Variants in CLSTN2 observed in about 807,000 individuals in gnomAD.
CLSTN2 encodes the protein calsyntenin-2.
CLSTN2 carries 48 observed loss-of-function variants against 101.2 expected under a neutral mutation model. The observed-to-expected ratio is 0.47, with a 90% CI of 0.38 to 0.60. CLSTN2 has a LOEUF of 0.60. CLSTN2 is among the 20% of genes least tolerant of loss of function. The pLI is 0.00. For missense variants in CLSTN2, 1,160 were observed against 1,238.2 expected, an observed-to-expected ratio of 0.94 and a Z score of 0.95; for synonymous variants, 481 against 463.6, an observed-to-expected ratio of 1.04 and a Z score of -0.48.
chr3:140,229,256 T>C (rs1337343137), intron 2 of CLSTN2, among the ~76,000 whole-genome samples: 1 of 152,198 alleles, frequency 6.6e-6, no homozygotes, highest in African/African-American at 2.4e-5. Context: ...TCATGATGTG[T>C]ACTTGAAAAT....
intron 2 of CLSTN2, among the ~76,000 whole-genome samples, chr3:140,184,124 A>T (rs1016693784): frequency 8.5e-5 from 13 of 152,086 alleles, no homozygotes; most frequent in African/African-American, 2.2e-4. Flanking sequence ...CTGTATGGTG[A>T]CTTTGGCTGG....
At chr3:140,015,606 C>T (rs1560070077) in intron 1 of CLSTN2, among the ~76,000 whole-genome samples, 1 of 152,216 alleles carries the variant, frequency 6.6e-6, no homozygotes, top group Non-Finnish European at 1.5e-5. Flanking sequence ...GGATTTCTGT[C>T]AACCTAGTTG....
intron 8 of CLSTN2, among the ~76,000 whole-genome samples, chr3:140,502,682 G>A (rs1486749245): frequency 6.6e-6 from 1 of 152,164 alleles, no homozygotes; most frequent in Non-Finnish European, 1.5e-5. Flanking sequence ...TGTGGAGCTG[G>A]CCTTGGAAAG....
intron 2 of CLSTN2, among the ~76,000 whole-genome samples, chr3:140,322,479 A>G (rs1332814070): frequency 6.6e-6 from 1 of 152,254 alleles, no homozygotes; most frequent in African/African-American, 2.4e-5. Context: ...AGTAGGAATC[A>G]TTTCAAGGGA....
chr3:140,183,234 T>G (rs943888944), intron 2 of CLSTN2, among the ~76,000 whole-genome samples: 2 of 152,168 alleles, frequency 1.3e-5, no homozygotes, highest in East Asian at 3.9e-4. Flanking sequence ...CAGTGGATAC[T>G]TTTGGGCCAT....
intron 1 of CLSTN2, among the ~76,000 whole-genome samples, chr3:140,085,278 C>T (rs1417431919): frequency 2.0e-5 from 3 of 152,168 alleles, no homozygotes; most frequent in Non-Finnish European, 4.4e-5. Context: ...GAACGTGTTC[C>T]CCTGTTTGCA....
intron 1 of CLSTN2, among the ~76,000 whole-genome samples, chr3:140,005,289 C>G (rs1414807857): frequency 4.6e-5 from 7 of 152,216 alleles, no homozygotes; most frequent in African/African-American, 1.7e-4. Context: ...TTTTGCCCCT[C>G]TCCTCACTCC....
intron 5 of CLSTN2, among the ~76,000 whole-genome samples, chr3:140,434,964 G>A (rs905824358): frequency 4.6e-5 from 7 of 151,548 alleles, no homozygotes; most frequent in Non-Finnish European, 8.8e-5. Flanking sequence ...TATATTTATG[G>A]GGTTCATGAG....
At chr3:139,955,893 G>C (rs9852679) in intron 1 of CLSTN2, among the ~76,000 whole-genome samples, 9,974 of 152,280 alleles carry the variant, frequency 0.065, 392 homozygotes, top group Non-Finnish European at 0.089. Context: ...CCTGGAGAGG[G>C]TTAGACCCAA....
intron 2 of CLSTN2, among the ~76,000 whole-genome samples, chr3:140,244,581 T>G (rs769376895): frequency 8.5e-5 from 13 of 152,180 alleles, no homozygotes; most frequent in Non-Finnish European, 1.6e-4. Flanking sequence ...GGCCCTTAAG[T>G]TCATGCCTGG....
chr3:140,160,596 T>G (rs989599572), intron 1 of CLSTN2, among the ~76,000 whole-genome samples: 1 of 152,120 alleles, frequency 6.6e-6, no homozygotes, highest in Non-Finnish European at 1.5e-5. Context: ...TGCCGATTTC[T>G]TTTATCTACA....
At chr3:140,186,845 T>G (rs1366781058) in intron 2 of CLSTN2, among the ~76,000 whole-genome samples, 1 of 152,128 alleles carries the variant, frequency 6.6e-6, no homozygotes, top group East Asian at 1.9e-4. Context: ...AATGGAAAGG[T>G]GAATCCCAGT....
At chr3:140,299,128 C>T (rs991363664) in intron 2 of CLSTN2, among the ~76,000 whole-genome samples, 3 of 152,156 alleles carry the variant, frequency 2.0e-5, no homozygotes, top group Admixed American at 2.0e-4. Flanking sequence ...CTCCCTCCTG[C>T]AGGAAGCCCT....
chr3:140,086,255 G>A (rs561910366), intron 1 of CLSTN2, among the ~76,000 whole-genome samples: 14 of 152,300 alleles, frequency 9.2e-5, no homozygotes, highest in South Asian at 4.1e-4. Context: ...GGGTTGGTTA[G>A]CAATGTCTGC....
intron 1 of CLSTN2, among the ~76,000 whole-genome samples, chr3:140,122,211 T>C (rs1012835109): frequency 6.6e-6 from 1 of 152,218 alleles, no homozygotes; most frequent in Non-Finnish European, 1.5e-5. Context: ...GCTTTCAGCA[T>C]GCTTTTTGCA....
intron 1 of CLSTN2, among the ~76,000 whole-genome samples, chr3:140,036,825 A>G (rs2007663911): frequency 6.6e-6 from 1 of 152,042 alleles, no homozygotes; most frequent in East Asian, 1.9e-4. Context: ...TCTGTCCTAC[A>G]TTTTAGATTA....
At chr3:140,245,985 A>G (rs1223230637) in intron 2 of CLSTN2, among the ~76,000 whole-genome samples, 1 of 152,192 alleles carries the variant, frequency 6.6e-6, no homozygotes, top group East Asian at 1.9e-4. Context: ...TGCTGTACAG[A>G]TATGTGTGGA....
rs146098919 is a variant in CLSTN2 at position 140,507,810 on chromosome 3, T to C, written c.1345-24514T>C. The C allele has an allele frequency of 3.1e-4, 47 of 152,330 alleles. 1 individual carries two copies. The highest frequency in any genetic ancestry group is 9.8e-4 in the Admixed American group (15 of 15,302). 9.4% of individuals were successfully genotyped at this position (152,330 alleles called of 1,614,324 possible). On this transcript the variant is annotated intron_variant, in intron 8 of 16. Coordinates refer to ENST00000458420, the MANE Select transcript of CLSTN2 (RefSeq NM_022131.3). ...ATTTTTACTTTCTATATTCAGCACCTAACATAATGTGTGACCTCATACCAA... is the reference window on the plus strand; with the variant it reads ...ATTTTTACTTTCTATATTCAGCACCCAACATAATGTGTGACCTCATACCAA...
intron 2 of CLSTN2, among the ~76,000 whole-genome samples, chr3:140,244,393 G>T (rs576142586): frequency 6.6e-6 from 1 of 152,150 alleles, no homozygotes; most frequent in East Asian, 1.9e-4. Context: ...CCCTACAACC[G>T]TCAGGAAATG....
Sources: allele counts gnomAD v4.1 joint callset (sites outside exome capture counted in the v4.1 genomes callset), GRCh38; gene constraint gnomAD v4.1.1; transcripts MANE v1.5; gene names NCBI Gene and HGNC (gene_info 2026-07-23, HGNC 2026-07-21).